ARHGAP26: variants seen among roughly 807,000 people sequenced by gnomAD.
ARHGAP26 encodes rho GTPase-activating protein 26.
Under a neutral mutation model 104.8 loss-of-function variants are expected in ARHGAP26, and 38 were observed. That is an observed-to-expected ratio of 0.36 (90% CI 0.28 to 0.48). The LOEUF (loss-of-function observed/expected upper bound fraction) is 0.48, where lower values mean the gene tolerates loss of function less well. ARHGAP26 is among the 20% of genes least tolerant of loss of function. The pLI, the probability that ARHGAP26 is intolerant of heterozygous loss-of-function variation, is 0.99. For synonymous variants in ARHGAP26, 341 were observed against 340.0 expected (o/e 1.00, Z -0.03); for missense variants, 704 against 947.9 (o/e 0.74, Z 3.38).
intron 11 of ARHGAP26, among the ~76,000 whole-genome samples, chr5:142,966,906 A>G (rs980339438): frequency 2.6e-5 from 4 of 152,254 alleles, no homozygotes; most frequent in Admixed American, 2.0e-4. Context: ...TATTACAACC[A>G]TAAATACTGA....
At position 143,204,807 on chromosome 5, in the gene ARHGAP26, TA is replaced by T. The variant is rs879698925; in HGVS notation, c.1989-2379del. ...GTGTTTCCTACTTATTAAAGTCATTTAAAAAAAAAAAAGTTGGAAGGACTTT... is the reference window on the plus strand; with the variant it reads ...GTGTTTCCTACTTATTAAAGTCATTTAAAAAAAAAAAGTTGGAAGGACTTT... On this transcript the variant is annotated intron_variant, in intron 20 of 22. Transcript: ENST00000645722. Among the ~76,000 whole-genome samples, 763 of 146,054 alleles carry T rather than the reference TA, an allele frequency of 5.2e-3. 6 individuals are homozygous for T. Among genetic ancestry groups the T allele is most frequent in the African/African-American group, 0.015 (616 of 40,140 alleles).
chr5:142,989,337 T>G (rs1332792567), intron 11 of ARHGAP26, among the ~76,000 whole-genome samples: 1 of 152,206 alleles, frequency 6.6e-6, no homozygotes, highest in East Asian at 1.9e-4. Flanking sequence ...TGTTTTCCAT[T>G]TGCTTGGTAG....
intron 17 of ARHGAP26, among the ~76,000 whole-genome samples, chr5:143,118,540 C>CT (rs1795760214): frequency 6.6e-6 from 1 of 152,160 alleles, no homozygotes; most frequent in African/African-American, 2.4e-5. Context: ...GGAGGCCAAG[C>CT]TGGGAGAATC....
chr5:142,817,128 T>G (rs904627629), intron 1 of ARHGAP26, among the ~76,000 whole-genome samples: 2 of 152,172 alleles, frequency 1.3e-5, no homozygotes. Flanking sequence ...ACACTCAGCA[T>G]GGTCCTGGAA....
chr5:143,193,872 A>G (rs560769993), intron 20 of ARHGAP26: 1 of 152,362 alleles, frequency 6.6e-6, no homozygotes, highest in East Asian at 1.9e-4. Context: ...CATATAAAAA[A>G]CATAGTATAT....
At chr5:143,204,396 G>C (rs563928383) in intron 20 of ARHGAP26, among the ~76,000 whole-genome samples, 3 of 152,024 alleles carry the variant, frequency 2.0e-5, no homozygotes, top group Non-Finnish European at 4.4e-5. Flanking sequence ...TGGTGGGGGG[G>C]ATCTATAATC....
intron 19 of ARHGAP26, among the ~76,000 whole-genome samples, chr5:143,145,373 T>C (rs888956829): frequency 2.0e-5 from 3 of 152,326 alleles, no homozygotes; most frequent in Middle Eastern, 3.4e-3. Flanking sequence ...TGTGAAGCAG[T>C]AAATGTCTCC....
intron 1 of ARHGAP26, among the ~76,000 whole-genome samples, chr5:142,841,832 T>G (rs1386995717): frequency 1.3e-5 from 2 of 152,194 alleles, no homozygotes; most frequent in Admixed American, 1.3e-4. Context: ...GGAACAGAAA[T>G]CCATAGAGAG....
intron 12 of ARHGAP26, among the ~76,000 whole-genome samples, chr5:143,016,695 T>G: frequency 1.1e-5 from 1 of 94,406 alleles, no homozygotes; most frequent in Non-Finnish European, 2.4e-5. Context: ...AGACTGAGAC[T>G]CTGTCTCAAA....
chr5:142,773,800 A>G (rs1755741821), intron 1 of ARHGAP26, among the ~76,000 whole-genome samples: 2 of 152,154 alleles, frequency 1.3e-5, no homozygotes, highest in African/African-American at 4.8e-5. Flanking sequence ...CTTTTCACTG[A>G]GTAATATAGC....
intron 17 of ARHGAP26, among the ~76,000 whole-genome samples, chr5:143,100,593 G>A (rs1295325360): frequency 6.6e-6 from 1 of 152,246 alleles, no homozygotes; most frequent in Non-Finnish European, 1.5e-5. Context: ...GTGTGAATTT[G>A]GGAAGCGTAG....
intron 20 of ARHGAP26, among the ~76,000 whole-genome samples, chr5:143,167,674 A>T (rs1242711435): frequency 6.6e-6 from 1 of 152,128 alleles, no homozygotes; most frequent in African/African-American, 2.4e-5. Context: ...AAGCCAGGCC[A>T]ACCATAATAT....
At chr5:142,833,220 ATTT>A (rs779035161) in intron 1 of ARHGAP26, among the ~76,000 whole-genome samples, 3 of 133,456 alleles carry the variant, frequency 2.2e-5, no homozygotes, top group Non-Finnish European at 3.3e-5. Flanking sequence ...CACCCGGCTA[ATTT>A]TTTTTTTTTT....
chr5:142,913,678 C>T (rs1385890649), intron 10 of ARHGAP26, among the ~76,000 whole-genome samples: 1 of 151,892 alleles, frequency 6.6e-6, no homozygotes, highest in Non-Finnish European at 1.5e-5. Flanking sequence ...TTTTTTTTAA[C>T]TGAAAAAGTT....
At chr5:143,034,740 A>G (rs1029675716) in intron 12 of ARHGAP26, among the ~76,000 whole-genome samples, 2 of 152,168 alleles carry the variant, frequency 1.3e-5, no homozygotes, top group African/African-American at 4.8e-5. Context: ...TATATGAAGT[A>G]TATACCAAGA....
intron 17 of ARHGAP26, among the ~76,000 whole-genome samples, chr5:143,095,407 G>A (rs866639173): frequency 1.3e-5 from 2 of 151,892 alleles, no homozygotes; most frequent in Admixed American, 6.6e-5. Flanking sequence ...ACCTCTTTAC[G>A]CTCTTAAAAT....
intron 17 of ARHGAP26, among the ~76,000 whole-genome samples, chr5:143,101,162 G>A (rs1331441893): frequency 6.6e-6 from 1 of 152,186 alleles, no homozygotes; most frequent in East Asian, 1.9e-4. Flanking sequence ...GCATCACTGA[G>A]AATGCGTCAT....
intron 19 of ARHGAP26, among the ~76,000 whole-genome samples, chr5:143,144,599 G>A (rs543925276): frequency 6.6e-6 from 1 of 151,766 alleles, no homozygotes; most frequent in Admixed American, 6.6e-5. Context: ...TAGAGATGGG[G>A]GTCTCACTGT....
chr5:142,948,299 C>G (rs2152572748), intron 11 of ARHGAP26, among the ~76,000 whole-genome samples: 1 of 151,914 alleles, frequency 6.6e-6, no homozygotes, highest in Admixed American at 6.5e-5. Context: ...TCTCTAGCAC[C>G]AGCAGTAAAA....
Sources: gnomAD v4.1 joint callset for allele counts (sites outside exome capture counted in the v4.1 genomes callset) on GRCh38, gnomAD v4.1.1 for gene constraint, MANE v1.5 for transcripts, NCBI Gene and HGNC (gene_info 2026-07-23, HGNC 2026-07-21) for gene names.